The following ARB2A variants were observed in gnomAD, a reference collection of about 807,000 sequenced individuals.
ARB2A encodes the protein cotranscriptional regulator ARB2A.
chr5:93,881,528 A>G, the ARB2A span: 3 of 1,611,050 alleles, frequency 1.9e-6, no homozygotes, highest in Non-Finnish European at 2.5e-6. Flanking sequence ...CTTCTCATAG[A>G]AATCACGTCG....
the ARB2A span, chr5:93,865,404 A>G: frequency 1.0e-6 from 1 of 985,256 alleles, no homozygotes; most frequent in African/African-American, 1.7e-5. Flanking sequence ...TCATGTGAGT[A>G]GAAATTACAT....
the ARB2A span, among the ~76,000 whole-genome samples, chr5:93,938,415 G>A: frequency 2.9e-3 from 442 of 152,194 alleles, 2 homozygotes; most frequent in African/African-American, 0.01. Flanking sequence ...TATTTTAATT[G>A]TTTATATAGT....
chr5:93,979,517 T>A, the ARB2A span, among the ~76,000 whole-genome samples: 1 of 152,218 alleles, frequency 6.6e-6, no homozygotes, highest in South Asian at 2.1e-4. Flanking sequence ...AAAGCAAATG[T>A]TGATGCTCAA....
At chr5:93,831,867 G>A in the ARB2A span, among the ~76,000 whole-genome samples, 9 of 152,118 alleles carry the variant, frequency 5.9e-5, no homozygotes, top group African/African-American at 2.2e-4. Context: ...GTTTCCATGG[G>A]CTTCAAGTAC....
chr5:93,694,695 T>C, the ARB2A span, among the ~76,000 whole-genome samples: 1 of 152,098 alleles, frequency 6.6e-6, no homozygotes, highest in Non-Finnish European at 1.5e-5. Flanking sequence ...CTACTTTAAA[T>C]TTCATATGGA....
At chr5:93,951,397 T>G in the ARB2A span, among the ~76,000 whole-genome samples, 1 of 152,190 alleles carries the variant, frequency 6.6e-6, no homozygotes, top group South Asian at 2.1e-4. Flanking sequence ...TCAAGAAATC[T>G]TTTCCCAGTC....
At chr5:94,041,376 C>T in the ARB2A span, among the ~76,000 whole-genome samples, 1 of 151,926 alleles carries the variant, frequency 6.6e-6, no homozygotes, top group Non-Finnish European at 1.5e-5. Context: ...ACCACGTGGC[C>T]GTGCTTTCTC....
At chr5:93,919,037 G>C in the ARB2A span, among the ~76,000 whole-genome samples, 11 of 152,308 alleles carry the variant, frequency 7.2e-5, no homozygotes, top group South Asian at 2.3e-3. Flanking sequence ...TTTAATCTCA[G>C]TGTTTGGTGG....
At chr5:93,805,870 T>C in the ARB2A span, 228 of 985,170 alleles carry the variant, frequency 2.3e-4, 1 homozygote, top group Middle Eastern at 3.1e-3. Flanking sequence ...TCCACATAGC[T>C]AAGCGAAAGC....
chr5:93,640,509 A>G, the ARB2A span, among the ~76,000 whole-genome samples: 5 of 151,656 alleles, frequency 3.3e-5, no homozygotes, highest in Non-Finnish European at 7.4e-5. Context: ...ACTGAACTCA[A>G]TCCTAAATAG....
At chr5:93,713,598 G>A in the ARB2A span, among the ~76,000 whole-genome samples, 10 of 152,140 alleles carry the variant, frequency 6.6e-5, no homozygotes, top group African/African-American at 2.4e-4. Context: ...CTTGTACATT[G>A]TTGGTGGGAA....
the ARB2A span, among the ~76,000 whole-genome samples, chr5:94,019,378 T>A: frequency 1.3e-5 from 2 of 151,878 alleles, no homozygotes; most frequent in African/African-American, 2.4e-5. Flanking sequence ...TGGGAAAAAA[T>A]TTTTGCAATC....
At chr5:93,829,631 T>C in the ARB2A span, among the ~76,000 whole-genome samples, 5 of 152,202 alleles carry the variant, frequency 3.3e-5, no homozygotes, top group Admixed American at 3.3e-4. Context: ...AACGTTTATC[T>C]TCAGGCTGAT....
the ARB2A span, among the ~76,000 whole-genome samples, chr5:93,890,850 T>A: frequency 6.6e-6 from 1 of 152,100 alleles, no homozygotes; most frequent in Non-Finnish European, 1.5e-5. Flanking sequence ...TCTTCATTAG[T>A]GAGAAAATGG....
chr5:93,911,274 T>C, the ARB2A span, among the ~76,000 whole-genome samples: 2 of 151,662 alleles, frequency 1.3e-5, no homozygotes, highest in African/African-American at 2.4e-5. Flanking sequence ...AGACTCAGAA[T>C]ACTGTAAATT....
chr5:94,019,476 A>T, the ARB2A span, among the ~76,000 whole-genome samples: 4 of 152,364 alleles, frequency 2.6e-5, no homozygotes, highest in East Asian at 7.7e-4. Context: ...AAGTGGGCAA[A>T]GGATATGAAC....
At chr5:93,870,734 G>A in the ARB2A span, among the ~76,000 whole-genome samples, 1 of 152,180 alleles carries the variant, frequency 6.6e-6, no homozygotes, top group Non-Finnish European at 1.5e-5. Context: ...CATAAGGGGG[G>A]GTGGAAGTGG....
chr5:94,111,670 T>C, the ARB2A span: 16,513 of 152,368 alleles, frequency 0.11, 992 homozygotes, highest in Middle Eastern at 0.16. Flanking sequence ...CTTCAGGAGA[T>C]TGATACGTCA....
chr5:93,690,214 C>T, the ARB2A span, among the ~76,000 whole-genome samples: 1 of 152,152 alleles, frequency 6.6e-6, no homozygotes, highest in Non-Finnish European at 1.5e-5. Context: ...ACCGTTCAAT[C>T]CCCTGGAAAA....
Sources: allele counts gnomAD v4.1 joint callset (sites outside exome capture counted in the v4.1 genomes callset), GRCh38; gene constraint gnomAD v4.1.1; transcripts MANE v1.5; gene names NCBI Gene and HGNC (gene_info 2026-07-23, HGNC 2026-07-21).